NUSAP1: variants seen among roughly 807,000 people sequenced by gnomAD.
NUSAP1 encodes the protein nucleolar and spindle-associated protein 1.
Under a neutral mutation model 52.8 loss-of-function variants are expected in NUSAP1, and 32 were observed. That is an observed-to-expected ratio of 0.61 (90% CI 0.46 to 0.81). NUSAP1 has a LOEUF of 0.81. NUSAP1 is among the 40% of genes least tolerant of loss of function. The probability of loss-of-function intolerance (pLI) is 0.00; values close to 1 mark genes in which losing one functional copy is unlikely to be tolerated. For synonymous variants in NUSAP1, 195 were observed against 183.1 expected, an observed-to-expected ratio of 1.06 and a Z score of -0.52; for missense variants, 499 against 522.3, an observed-to-expected ratio of 0.96 and a Z score of 0.43.
chr15:41,333,097 G>A, intron 1 of NUSAP1, 47 bp downstream of exon 1: 2 of 1,451,812 alleles, frequency 1.4e-6, no homozygotes, highest in South Asian at 1.2e-5. Flanking sequence ...GGCGGGAATA[G>A]CGGCCTCGGG....
In NUSAP1 at chr15:41,380,914, T is replaced by C. The variant is rs2050181070; in HGVS notation, c.*728T>C. 1.3e-5 allele frequency: 2 copies of C among 152,214 alleles called. No individual in the cohort carries two copies. The highest frequency in any genetic ancestry group is 2.4e-5 in the African/African-American group (1 of 41,470). The allele number at this position is 152,214 out of a possible 1,614,324, so 9.4% of individuals were successfully genotyped here. ...CAGGCTGGTCTCAAACTCCACCAAA[T>C]GTACTTCTTATTCATTTTATGGAAA... On this transcript the variant is annotated 3_prime_UTR_variant, in exon 11 of 11. Transcript: ENST00000559596.
At chr15:41,348,764 A>G (rs771275868) in intron 2 of NUSAP1, among the ~76,000 whole-genome samples, 27 of 151,868 alleles carry the variant, frequency 1.8e-4, no homozygotes, top group Non-Finnish European at 3.8e-4. Flanking sequence ...TCAGCCTTCC[A>G]AGTAGCTGGG....
Position 41,365,545 on chromosome 15 carries a change from G to A in NUSAP1, c.804G>A (p.Gly268=). The A allele has an allele frequency of 6.2e-7, 1 of 1,612,814 alleles. No individual in the cohort carries two copies. The highest frequency in any genetic ancestry group is 1.3e-5 in the African/African-American group (1 of 74,984). Residue 268 remains glycine (G), a synonymous_variant, in exon 7 of 11, where the codon GGG becomes GGA. Coordinates refer to ENST00000559596, the MANE Select transcript of NUSAP1 (RefSeq NM_016359.5). ...GTCAGAGTACCTTGGGTCTGAAGGGGTCACTCAAGCGCTCTGCTATCTCTG... is the reference window on the plus strand; with the variant it reads ...GTCAGAGTACCTTGGGTCTGAAGGGATCACTCAAGCGCTCTGCTATCTCTG... The part of the protein sequence containing the change: ...PASQSTLGLK[G]SLKRSAISAA...
Position 41,381,017 on chromosome 15 carries a change from C to G in NUSAP1, c.*831C>G, listed in dbSNP as rs1243922305. The G allele has an allele frequency of 6.6e-6, 1 of 152,114 alleles. No homozygotes were observed. Among genetic ancestry groups the G allele is most frequent in the African/African-American group, 2.4e-5 (1 of 41,422 alleles). 9.4% of individuals were successfully genotyped at this position (152,114 alleles called of 1,614,324 possible). A position where few individuals can be genotyped will look rare whatever the true frequency, so the allele number is the denominator to read the frequency against. On this transcript the variant is annotated 3_prime_UTR_variant, in exon 11 of 11. Transcript: ENST00000559596. ...TTCTGAGTTTTATACTGCTCAAGAT[C>G]GTCATAAATAAAATTTTTTCTCATT...
At chr15:41,372,358 A>G (rs932448408) in intron 8 of NUSAP1, among the ~76,000 whole-genome samples, 4 of 152,160 alleles carry the variant, frequency 2.6e-5, no homozygotes, top group African/African-American at 9.6e-5. Flanking sequence ...TCATGTTTCA[A>G]GATTCAACCA....
chr15:41,336,268 AAAT>A (rs113121358), intron 1 of NUSAP1, among the ~76,000 whole-genome samples: 12,607 of 148,604 alleles, frequency 0.085, 683 homozygotes, highest in East Asian at 0.2. Flanking sequence ...CTCCGTCTAA[AAAT>A]AATAATAATA....
intron 5 of NUSAP1, among the ~76,000 whole-genome samples, chr15:41,356,959 G>A (rs1313536829): frequency 6.6e-6 from 1 of 152,134 alleles, no homozygotes; most frequent in South Asian, 2.1e-4. Flanking sequence ...TTCAATAAAT[G>A]TTCATATACT....
chr15:41,369,672 G>C (rs1158891797), intron 7 of NUSAP1, among the ~76,000 whole-genome samples: 1 of 151,990 alleles, frequency 6.6e-6, no homozygotes, highest in Non-Finnish European at 1.5e-5. Context: ...ACCATGGTCA[G>C]AGGTTTGGCC....
chr15:41,360,295 C>T (rs889837386), intron 6 of NUSAP1, among the ~76,000 whole-genome samples: 1 of 150,240 alleles, frequency 6.7e-6, no homozygotes, highest in African/African-American at 2.5e-5. Flanking sequence ...ACCACCACCA[C>T]ACCCGGCTAA....
chr15:41,365,408 C>G lies in NUSAP1; in HGVS notation c.667C>G (p.Pro223Ala), dbSNP rs772741428. 30 of 1,604,036 alleles carry G rather than the reference C, an allele frequency of 1.9e-5. No homozygotes were observed. The highest frequency in any genetic ancestry group is 2.3e-5 in the Non-Finnish European group (27 of 1,173,776). ...HNSMNELKQQPINKGGVRTPV... is the reference protein window; with the variant it reads ...HNSMNELKQQAINKGGVRTPV... Reference sequence around the variant, plus strand: ...TGATGCATTTTCTCTTCAGCAGCAGCCCATCAATAAGGGAGGGGTCAGGAC... The same window carrying G: ...TGATGCATTTTCTCTTCAGCAGCAGGCCATCAATAAGGGAGGGGTCAGGAC... The change falls in exon 7 of 11, where the codon CCC becomes GCC. Residue 223 changes from proline (P) to alanine (A), a missense_variant. Physicochemically the swap from Pro to Ala is conservative, Grantham distance 27. Transcript: ENST00000559596.
At chr15:41,378,982 C>G (rs2050104476) in intron 10 of NUSAP1, among the ~76,000 whole-genome samples, 1 of 51,840 alleles carries the variant, frequency 1.9e-5, no homozygotes, top group Non-Finnish European at 3.5e-5. Flanking sequence ...GAGATGGAGT[C>G]TCGCTCTGAT....
chr15:41,378,951 T>G (rs1441290421), intron 10 of NUSAP1, among the ~76,000 whole-genome samples: 3 of 102,032 alleles, frequency 2.9e-5, no homozygotes, highest in Admixed American at 2.0e-4. Context: ...TTGGTTTTTT[T>G]TTTTTTTTTT....
chr15:41,347,827 A>G (rs949141086), intron 2 of NUSAP1, among the ~76,000 whole-genome samples: 33 of 151,830 alleles, frequency 2.2e-4, no homozygotes, highest in African/African-American at 7.7e-4. Context: ...AAAAAAAAAA[A>G]AAGAAAGAAA....
rs529090861 is a variant in NUSAP1 at position 41,378,985 on chromosome 15, G to C, written c.1233-1108G>C. ...TTTTTTTTTTTTGAGATGGAGTCTC[G>C]CTCTGATGCCCAGGCTAGAGTGTGG... On this transcript the variant is annotated intron_variant, in intron 10 of 10. Coordinates refer to ENST00000559596, the MANE Select transcript of NUSAP1 (RefSeq NM_016359.5). 9.7e-5 allele frequency among the ~76,000 whole-genome samples: 7 copies of C among 72,306 alleles called. No individual in the cohort carries two copies. The East Asian group carries it at 2.6e-3, about 27-fold the overall frequency. The allele number at this position is 72,306 out of a possible 152,430, so 47.4% of individuals were successfully genotyped here.
intron 4 of NUSAP1, among the ~76,000 whole-genome samples, chr15:41,352,531 C>G (rs771681516): frequency 2.0e-5 from 3 of 151,914 alleles, no homozygotes; most frequent in Non-Finnish European, 2.9e-5. Context: ...CTGAGATGGG[C>G]TTGGGAATCT....
chr15:41,364,041 A>C (rs988404446), intron 6 of NUSAP1, among the ~76,000 whole-genome samples: 9 of 152,138 alleles, frequency 5.9e-5, no homozygotes, highest in Non-Finnish European at 1.2e-4. Flanking sequence ...AATGTTGCCC[A>C]GGCTGGTCAT....
chr15:41,378,118 C>T (rs898502983), intron 10 of NUSAP1, among the ~76,000 whole-genome samples: 4 of 152,186 alleles, frequency 2.6e-5, no homozygotes, highest in African/African-American at 9.7e-5. Context: ...CAAGGCTCTG[C>T]AGGTGATTCA....
rs543020535 is a variant in NUSAP1 at position 41,361,644 on chromosome 15, GAACGACTGTCTC to G, written c.660+3390_660+3401del. ...TAAGTAAAAGTTAAGGACAGAGCAA[GAACGACTGTCTC>G]AACCATAAACGTTGAGTATTGCTCT... On this transcript the variant is annotated intron_variant, in intron 6 of 10. Coordinates refer to ENST00000559596, the MANE Select transcript of NUSAP1 (RefSeq NM_016359.5). Among the ~76,000 whole-genome samples, 193 of 152,278 alleles carry G rather than the reference GAACGACTGTCTC, an allele frequency of 1.3e-3. 1 individual carries two copies. The East Asian group carries it at 0.015, about 12-fold the overall frequency.
chr15:41,345,888 C>G (rs750909846), intron 2 of NUSAP1, among the ~76,000 whole-genome samples: 6 of 152,184 alleles, frequency 3.9e-5, no homozygotes, highest in Non-Finnish European at 7.3e-5. Flanking sequence ...TCTCTTCTTA[C>G]TACTGTGGCC....
Sources: allele counts gnomAD v4.1 joint callset (sites outside exome capture counted in the v4.1 genomes callset), GRCh38; gene constraint gnomAD v4.1.1; transcripts MANE v1.5; gene names NCBI Gene and HGNC (gene_info 2026-07-23, HGNC 2026-07-21).